ERBB4: variants seen among roughly 807,000 people sequenced by gnomAD.
ERBB4 encodes the protein erb-b2 receptor tyrosine kinase 4, also known as receptor tyrosine-protein kinase erbB-4.
In ERBB4, 42 loss-of-function variants were observed where a neutral mutation model predicts 158.0. The observed-to-expected ratio is 0.27, with a 90% CI of 0.21 to 0.34. The LOEUF (loss-of-function observed/expected upper bound fraction) is 0.34, where lower values mean the gene tolerates loss of function less well. ERBB4 is among the 10% of genes least tolerant of loss of function. The pLI is 1.00. For synonymous variants in ERBB4, 583 were observed against 558.7 expected (o/e 1.04, Z -0.61); for missense variants, 1,333 against 1,624.1 (o/e 0.82, Z 3.08).
chr2:212,265,376 T>C (rs111917325), intron 1 of ERBB4, among the ~76,000 whole-genome samples: 60 of 152,016 alleles, frequency 3.9e-4, no homozygotes, highest in African/African-American at 1.2e-3. Context: ...ATATCTGAGT[T>C]GATAATGAGA....
rs960621839 is a variant in ERBB4, at chr2:211,856,829, A to G, written c.422-68670T>C. ...TATTAATATAGCTGTTTCAATGTTT[A>G]TGAACATATGAAACTAGATTTTCAA... is the stretch of plus-strand genomic sequence containing the variant. On this transcript the variant is annotated intron_variant, in intron 3 of 27. Transcript: ENST00000342788. Among the ~76,000 whole-genome samples, 3 of 152,322 alleles carry G rather than the reference A, an allele frequency of 2.0e-5. No individual in the cohort carries two copies. The East Asian group carries it at 5.8e-4, about 29-fold the overall frequency.
At chr2:212,034,603 T>A (rs916751852) in intron 2 of ERBB4, among the ~76,000 whole-genome samples, 1 of 152,162 alleles carries the variant, frequency 6.6e-6, no homozygotes, top group African/African-American at 2.4e-5. Context: ...TAGAAATAGA[T>A]AATGGGAGTA....
intron 3 of ERBB4, among the ~76,000 whole-genome samples, chr2:211,840,510 A>G (rs2077447503): frequency 6.6e-6 from 1 of 152,132 alleles, no homozygotes. Context: ...AGGAGTTGAT[A>G]GATTTATGAT....
chr2:211,978,360 C>CTGAG (rs1200166785), intron 2 of ERBB4, among the ~76,000 whole-genome samples: 2 of 129,902 alleles, frequency 1.5e-5, no homozygotes, highest in East Asian at 5.4e-4. Flanking sequence ...TGAAAGGAGT[C>CTGAG]TGAGTCTGTC....
At chr2:211,972,598 C>A (rs955991177) in intron 2 of ERBB4, among the ~76,000 whole-genome samples, 1 of 152,050 alleles carries the variant, frequency 6.6e-6, no homozygotes, top group Admixed American at 6.6e-5. Context: ...AGAAAAAAGA[C>A]CACACTCCTG....
At chr2:211,528,444 A>C (rs1272390918) in intron 20 of ERBB4, among the ~76,000 whole-genome samples, 2 of 152,074 alleles carry the variant, frequency 1.3e-5, no homozygotes, top group African/African-American at 4.8e-5. Flanking sequence ...AGCATTGGAC[A>C]GATCTTCCAG....
At position 211,378,850 on chromosome 2, in the gene ERBB4, C is replaced by T. The variant is rs540902403; in HGVS notation, c.*4765G>A. ...AACAGAGGCACAGTAAGATCCTCTGCCCACAGTATATACAGTAGAAGTTAA... is the reference window on the plus strand; with the variant it reads ...AACAGAGGCACAGTAAGATCCTCTGTCCACAGTATATACAGTAGAAGTTAA... On this transcript the variant is annotated 3_prime_UTR_variant, in exon 28 of 28. Coordinates refer to ENST00000342788, the MANE Select transcript of ERBB4 (RefSeq NM_005235.3). 4.3e-6 allele frequency: 1 copy of T among 231,728 alleles called. No homozygotes were observed. Among genetic ancestry groups the T allele is most frequent in the East Asian group, 6.1e-5 (1 of 16,422 alleles). 14.4% of individuals were successfully genotyped at this position (231,728 alleles called of 1,614,324 possible).
intron 1 of ERBB4, among the ~76,000 whole-genome samples, chr2:212,127,482 C>G (rs927162448): frequency 1.3e-5 from 2 of 152,090 alleles, no homozygotes; most frequent in Non-Finnish European, 2.9e-5. Flanking sequence ...GTCCCAGCTA[C>G]TCGGGAGGCT....
intron 17 of ERBB4, among the ~76,000 whole-genome samples, chr2:211,626,312 T>C (rs917424093): frequency 1.3e-5 from 2 of 152,176 alleles, no homozygotes; most frequent in African/African-American, 4.8e-5. Context: ...GGAAAAAATA[T>C]GTTTTATAGT....
intron 2 of ERBB4, among the ~76,000 whole-genome samples, chr2:212,083,320 T>C (rs1033733775): frequency 6.6e-6 from 1 of 151,874 alleles, no homozygotes; most frequent in African/African-American, 2.4e-5. Context: ...TCTCAGATGG[T>C]GGGAAAACCA....
rs116779489 is a variant in ERBB4, at chr2:212,045,669, G to A, written c.234+79083C>T. ...AGACTGAACAGTACCAACATGAAAC[G>A]TCAATAAGACTTAAGGCTGATAGAT... On this transcript the variant is annotated intron_variant, in intron 2 of 27. Transcript: ENST00000342788. 3.5e-3 allele frequency among the ~76,000 whole-genome samples: 538 copies of A among 152,208 alleles called. 6 individuals carry two copies. The highest frequency in any genetic ancestry group is 0.012 in the African/African-American group (504 of 41,548).
intron 2 of ERBB4, among the ~76,000 whole-genome samples, chr2:212,102,090 T>TTTTATATATATATATATATATATATA (rs1553558604): frequency 9.3e-6 from 1 of 107,978 alleles, no homozygotes; most frequent in Non-Finnish European, 2.1e-5. Flanking sequence ...AAAATTTATT[T>TTTTATATATATATATATATATATATA]TATATATATA....
chr2:212,312,136 C>T (rs2087072731), intron 1 of ERBB4, among the ~76,000 whole-genome samples: 1 of 150,946 alleles, frequency 6.6e-6, no homozygotes, highest in South Asian at 2.1e-4. Flanking sequence ...CTATGTTTCA[C>T]ATTGTAACTG....
intron 1 of ERBB4, among the ~76,000 whole-genome samples, chr2:212,202,407 G>GGT (rs2082614043): frequency 6.6e-6 from 1 of 152,018 alleles, no homozygotes; most frequent in Non-Finnish European, 1.5e-5. Context: ...GGAATGAAGT[G>GGT]GTACGATCAT....
chr2:212,174,197 C>G (rs150332178), intron 1 of ERBB4, among the ~76,000 whole-genome samples: 1 of 152,054 alleles, frequency 6.6e-6, no homozygotes, highest in East Asian at 1.9e-4. Context: ...GTTTTAAAAT[C>G]TGACATTTTT....
chr2:211,768,519 C>A (rs1186164925), intron 4 of ERBB4, among the ~76,000 whole-genome samples: 8 of 152,210 alleles, frequency 5.3e-5, no homozygotes, highest in Admixed American at 3.9e-4. Flanking sequence ...CCTGGACATG[C>A]AGACATTTCC....
rs542260342 is a variant in ERBB4 at position 212,168,220 on chromosome 2, C to T, written c.83-43317G>A. Among the ~76,000 whole-genome samples, 112 of 152,030 alleles carry T rather than the reference C, an allele frequency of 7.4e-4. 1 individual carries two copies. In the South Asian group the frequency reaches 0.023, roughly 31 times the overall value. On this transcript the variant is annotated intron_variant, in intron 1 of 27. Coordinates refer to ENST00000342788, the MANE Select transcript of ERBB4 (RefSeq NM_005235.3). ...AATGAAATCTTTCCTTTTTGCATTC[C>T]TAAATTCCTGGGGGAATACACTGGA... is the stretch of plus-strand genomic sequence containing the variant.
intron 3 of ERBB4, among the ~76,000 whole-genome samples, chr2:211,825,574 C>T (rs1263200435): frequency 6.6e-6 from 1 of 151,536 alleles, no homozygotes; most frequent in Non-Finnish European, 1.5e-5. Context: ...TTTAGCAATT[C>T]AGTCACTTTT....
At chr2:212,214,696 A>G (rs6731574) in intron 1 of ERBB4, among the ~76,000 whole-genome samples, 4,734 of 151,608 alleles carry the variant, frequency 0.031, 246 homozygotes, top group African/African-American at 0.11. Context: ...CCCTTTGGCA[A>G]TATGAACTAA....
Sources: allele counts gnomAD v4.1 joint callset (sites outside exome capture counted in the v4.1 genomes callset), GRCh38; gene constraint gnomAD v4.1.1; transcripts MANE v1.5; gene names NCBI Gene and HGNC (gene_info 2026-07-23, HGNC 2026-07-21).